The following TMEM132B variants were observed in gnomAD, a reference collection of about 807,000 sequenced individuals.
TMEM132B encodes transmembrane protein 132B.
TMEM132B carries 18 observed loss-of-function variants against 90.8 expected under a neutral mutation model. The ratio of observed to expected loss-of-function variants is 0.20; its 90% CI spans 0.14 to 0.29. TMEM132B has a LOEUF of 0.29. Ranked by LOEUF, TMEM132B falls within the 10% of genes least tolerant of loss-of-function variation. TMEM132B has a pLI of 1.00. For synonymous variants in TMEM132B, 504 were observed against 523.3 expected (o/e 0.96, Z 0.50); for missense variants, 1,096 against 1,326.8 (o/e 0.83, Z 2.70).
intron 8 of TMEM132B, 60 bp from the exon 9 acceptor site, chr12:125,653,505 A>T: frequency 6.7e-7 from 1 of 1,500,364 alleles, no homozygotes; most frequent in Non-Finnish European, 9.0e-7. Context: ...AATTATACTT[A>T]TGTTTTCAAA....
intron 1 of TMEM132B, among the ~76,000 whole-genome samples, chr12:125,202,315 CAT>C (rs774631610): frequency 4.6e-5 from 7 of 152,372 alleles, no homozygotes; most frequent in Non-Finnish European, 8.8e-5. Context: ...AAGCAGCACA[CAT>C]GTGTTATCTC....
rs1882614919 is a variant in TMEM132B at position 125,498,490 on chromosome 12, A to G, written c.1107-20949A>G. Among the ~76,000 whole-genome samples, 1 of 152,210 alleles carries G rather than the reference A, an allele frequency of 6.6e-6. No individual in the cohort carries two copies. Among genetic ancestry groups the G allele is most frequent in the Non-Finnish European group, 1.5e-5 (1 of 68,048 alleles). On this transcript the variant is annotated intron_variant, in intron 3 of 8. Transcript: ENST00000682704. This position sits in a 1 kb window ranked among gnomAD's most constrained non-coding sequence, Gnocchi z 4.5. ...ATGTTGTTAGCATGTTTCAGAGACAATATCTGACTTCCTAGCAGAGAAATG... is the reference window on the plus strand; with the variant it reads ...ATGTTGTTAGCATGTTTCAGAGACAGTATCTGACTTCCTAGCAGAGAAATG...
chr12:125,373,938 G>A (rs1468341361), intron 2 of TMEM132B, among the ~76,000 whole-genome samples: 5 of 152,152 alleles, frequency 3.3e-5, no homozygotes. Context: ...GGGATTACAG[G>A]CACGCACCAC....
intron 1 of TMEM132B, among the ~76,000 whole-genome samples, chr12:125,194,951 A>G (rs1457308081): frequency 6.6e-6 from 1 of 152,194 alleles, no homozygotes; most frequent in Admixed American, 6.5e-5. Context: ...AGTTGCCGAC[A>G]TTTAAAAATT....
chr12:125,557,173 T>G (rs904002550), intron 4 of TMEM132B, among the ~76,000 whole-genome samples: 1 of 152,178 alleles, frequency 6.6e-6, no homozygotes, highest in Non-Finnish European at 1.5e-5. Context: ...CATATACATA[T>G]GTGTATATAT....
At chr12:125,456,351 T>C (rs1394588568) in intron 3 of TMEM132B, among the ~76,000 whole-genome samples, 1 of 152,204 alleles carries the variant, frequency 6.6e-6, no homozygotes. Flanking sequence ...CCTGCATTTA[T>C]TGATCACCAG....
intron 1 of TMEM132B, among the ~76,000 whole-genome samples, chr12:125,255,869 T>A (rs1874428417): frequency 6.6e-6 from 1 of 152,128 alleles, no homozygotes; most frequent in Admixed American, 6.5e-5. Flanking sequence ...CAGCGACTGA[T>A]TGTGGGTTTA....
intron 3 of TMEM132B, among the ~76,000 whole-genome samples, chr12:125,422,177 A>G (rs961182590): frequency 6.6e-6 from 1 of 152,218 alleles, no homozygotes; most frequent in South Asian, 2.1e-4. Flanking sequence ...AATTTTAAAA[A>G]TCAGAAATAT....
chr12:125,211,845 G>C (rs139836374), intron 1 of TMEM132B, among the ~76,000 whole-genome samples: 1 of 152,168 alleles, frequency 6.6e-6, no homozygotes, highest in African/African-American at 2.4e-5. Context: ...CTTGTCTGGG[G>C]AATTGAGCAA....
In TMEM132B at chr12:125,407,371, C is replaced by T. The variant is rs1369790316; in HGVS notation, c.960-8160C>T. Among the ~76,000 whole-genome samples the T allele has an allele frequency of 1.3e-5, 2 of 152,174 alleles. No homozygotes were observed. The highest frequency in any genetic ancestry group is 4.8e-5 in the African/African-American group (2 of 41,436). On this transcript the variant is annotated intron_variant, in intron 2 of 8. Transcript: ENST00000682704. This position sits in a 1 kb window ranked among gnomAD's most constrained non-coding sequence, Gnocchi z 6.7. ...ACCCTGTAGAGTGGAGTATTTAGTT[C>T]AAAAGTGGCTGGTCTAAGTAGAAGA...
At chr12:125,372,177 C>G (rs958350546) in intron 2 of TMEM132B, among the ~76,000 whole-genome samples, 1 of 152,220 alleles carries the variant, frequency 6.6e-6, no homozygotes, top group East Asian at 1.9e-4. Context: ...TAGCATTTAT[C>G]CCAGCATATT....
intron 4 of TMEM132B, among the ~76,000 whole-genome samples, chr12:125,522,886 G>A (rs563792531): frequency 6.6e-6 from 1 of 152,234 alleles, no homozygotes; most frequent in South Asian, 2.1e-4. Flanking sequence ...TTAAAATAGG[G>A]CTCAGATCTA....
At position 125,363,452 on chromosome 12, in the gene TMEM132B, G is replaced by A. The variant is rs148629746; in HGVS notation, c.959+13109G>A. ...CCAGGCTGAGAGTGAAGGTCTAGGG[G>A]CAAGCAGTGTGGGGTCTGCCTCCCC... On this transcript the variant is annotated intron_variant, in intron 2 of 8. Transcript: ENST00000682704. 8.1e-4 allele frequency among the ~76,000 whole-genome samples: 124 copies of A among 152,254 alleles called. 1 individual carries two copies. Among genetic ancestry groups the A allele is most frequent in the African/African-American group, 2.7e-3 (114 of 41,542 alleles).
chr12:125,324,029 A>G (rs1202928250), intron 1 of TMEM132B, among the ~76,000 whole-genome samples: 1 of 152,152 alleles, frequency 6.6e-6, no homozygotes, highest in Non-Finnish European at 1.5e-5. Flanking sequence ...AAACACACAC[A>G]TACACACACA....
chr12:125,621,159 G>T (rs1048683393), intron 5 of TMEM132B, among the ~76,000 whole-genome samples: 1 of 152,160 alleles, frequency 6.6e-6, no homozygotes, highest in Non-Finnish European at 1.5e-5. Flanking sequence ...AATGGGTCAC[G>T]TTTATAAATC....
chr12:125,654,413 G>C lies in TMEM132B; in HGVS notation c.2955G>C (p.Glu985Asp), dbSNP rs774894861. The change falls in exon 9 of 9, where the codon GAG (glutamate) becomes GAC (aspartate). Residue 985 changes from glutamate (E) to aspartate (D), a missense_variant. By Grantham distance (45) the Glu-to-Asp change is conservative. Transcript: ENST00000682704. This position sits in a 1 kb window ranked among gnomAD's most constrained non-coding sequence, Gnocchi z 5.8. ...TAGACAGGGGCCTGCAGTTCGAGGA[G>C]AGGAACTTCCTTCTGAATGGCAGTT... Reference protein sequence around the residue: ...TMIDRGLQFEERNFLLNGSSQ... With the variant: ...TMIDRGLQFEDRNFLLNGSSQ... 2.5e-6 allele frequency: 4 copies of C among 1,613,442 alleles called. No homozygotes were observed. Among genetic ancestry groups the C allele is most frequent in the Non-Finnish European group, 3.4e-6 (4 of 1,180,010 alleles).
At chr12:125,226,885 C>T (rs779822664) in intron 1 of TMEM132B, among the ~76,000 whole-genome samples, 8 of 152,202 alleles carry the variant, frequency 5.3e-5, no homozygotes, top group East Asian at 1.9e-4. Context: ...GCATGTTTAA[C>T]GCCTAGCTGT....
At chr12:125,541,574 A>C (rs1368484409) in intron 4 of TMEM132B, among the ~76,000 whole-genome samples, 1 of 152,126 alleles carries the variant, frequency 6.6e-6, no homozygotes, top group Non-Finnish European at 1.5e-5. Flanking sequence ...ACTTCTTAAG[A>C]GCCTTTAATA....
At chr12:125,430,078 A>C (rs1421209957) in intron 3 of TMEM132B, among the ~76,000 whole-genome samples, 1 of 152,210 alleles carries the variant, frequency 6.6e-6, no homozygotes, top group Non-Finnish European at 1.5e-5. Context: ...TTCCACAATG[A>C]ATCACTGTTA....
Sources: allele counts gnomAD v4.1 joint callset (sites outside exome capture counted in the v4.1 genomes callset), GRCh38; gene constraint gnomAD v4.1.1; non-coding constraint Gnocchi (gnomAD v3.1); transcripts MANE v1.5; gene names NCBI Gene and HGNC (gene_info 2026-07-23, HGNC 2026-07-21).